Variants in CRACD observed in about 807,000 individuals in gnomAD.
CRACD encodes capping protein inhibiting regulator of actin dynamics.
Under a neutral mutation model 106.8 loss-of-function variants are expected in CRACD, and 56 were observed. That is an observed-to-expected ratio of 0.52 (90% CI 0.42 to 0.66). The LOEUF (loss-of-function observed/expected upper bound fraction) is 0.66, where lower values mean the gene tolerates loss of function less well. Among genes scored for constraint, CRACD ranks in the 30% least tolerant of loss-of-function variants. The pLI is 0.00. For synonymous variants in CRACD, 754 were observed against 670.8 expected (o/e 1.12, Z -1.92); for missense variants, 1,730 against 1,623.2 (o/e 1.07, Z -1.13).
chr4:56,097,049 G>T (rs1279598438), intron 1 of CRACD, among the ~76,000 whole-genome samples: 4 of 152,192 alleles, frequency 2.6e-5, no homozygotes, highest in African/African-American at 7.2e-5. Flanking sequence ...CCCTTGAATG[G>T]ATAATAATGG....
At chr4:56,250,879 T>G (rs1741013722) in intron 2 of CRACD, among the ~76,000 whole-genome samples, 2 of 152,216 alleles carry the variant, frequency 1.3e-5, no homozygotes, top group Non-Finnish European at 2.9e-5. Flanking sequence ...GCAACCAACT[T>G]CATTTAATTA....
chr4:56,281,804 GTTTGTCT>G (rs1397470046), intron 3 of CRACD, among the ~76,000 whole-genome samples: 1 of 152,132 alleles, frequency 6.6e-6, no homozygotes, highest in Non-Finnish European at 1.5e-5. Flanking sequence ...TTAGAAGATC[GTTTGTCT>G]TAGGTGGTGT....
intron 1 of CRACD, among the ~76,000 whole-genome samples, chr4:56,124,004 C>T (rs1253264349): frequency 6.6e-6 from 1 of 151,938 alleles, no homozygotes; most frequent in Non-Finnish European, 1.5e-5. Context: ...ATGGCGTGAT[C>T]TTGGCTCACT....
chr4:56,083,112 G>A (rs909414487), intron 1 of CRACD, among the ~76,000 whole-genome samples: 2 of 152,150 alleles, frequency 1.3e-5, no homozygotes, highest in Non-Finnish European at 2.9e-5. Context: ...GCAGTTGTGA[G>A]ATCAAAACTT....
intron 2 of CRACD, chr4:56,196,460 A>G (rs1367998968): frequency 6.5e-6 from 1 of 153,238 alleles, no homozygotes; most frequent in East Asian, 1.9e-4. Context: ...TGAGTTGCAA[A>G]TTAAAGAGAC....
At chr4:56,095,912 A>T (rs1438147644) in intron 1 of CRACD, among the ~76,000 whole-genome samples, 1 of 152,200 alleles carries the variant, frequency 6.6e-6, no homozygotes, top group Non-Finnish European at 1.5e-5. Context: ...TATATATTTC[A>T]TATTTTCAAA....
intron 1 of CRACD, among the ~76,000 whole-genome samples, chr4:56,129,671 C>T (rs189557441): frequency 1.3e-3 from 204 of 152,290 alleles, no homozygotes; most frequent in African/African-American, 4.9e-3. Flanking sequence ...ATGGAACTGA[C>T]CATGCGTCAG....
chr4:56,286,700 C>T (rs1350673701), intron 3 of CRACD, among the ~76,000 whole-genome samples: 1 of 151,962 alleles, frequency 6.6e-6, no homozygotes, highest in Non-Finnish European at 1.5e-5. Context: ...TCTCGGGGTT[C>T]CTGCATTTAT....
At chr4:56,081,113 C>T (rs1733006506) in intron 1 of CRACD, among the ~76,000 whole-genome samples, 1 of 152,196 alleles carries the variant, frequency 6.6e-6, no homozygotes, top group South Asian at 2.1e-4. Flanking sequence ...CTACCTTGGC[C>T]ACCCAAGGTG....
chr4:56,181,246 G>A (rs1017372503), intron 2 of CRACD, among the ~76,000 whole-genome samples: 3 of 152,214 alleles, frequency 2.0e-5, no homozygotes, highest in African/African-American at 7.2e-5. Context: ...TCGAGGAAAG[G>A]CAGGAAGTCA....
At chr4:56,280,982 C>T (rs1402212062) in intron 3 of CRACD, among the ~76,000 whole-genome samples, 1 of 152,074 alleles carries the variant, frequency 6.6e-6, no homozygotes, top group African/African-American at 2.4e-5. Flanking sequence ...TGAAGAGGTG[C>T]AAAACCCATT....
At chr4:56,076,230 G>C (rs1732832369) in intron 1 of CRACD, among the ~76,000 whole-genome samples, 1 of 152,146 alleles carries the variant, frequency 6.6e-6, no homozygotes, top group Non-Finnish European at 1.5e-5. Flanking sequence ...ATGCCTAGTA[G>C]AAAGGAACCC....
At chr4:56,094,287 T>C (rs1306901449) in intron 1 of CRACD, among the ~76,000 whole-genome samples, 7 of 152,214 alleles carry the variant, frequency 4.6e-5, no homozygotes. Context: ...AGTCATTATT[T>C]TAATGTTTAT....
chr4:56,282,860 C>T (rs11133434), intron 3 of CRACD, among the ~76,000 whole-genome samples: 108,489 of 152,162 alleles, frequency 0.71, 38,864 homozygotes, highest in East Asian at 0.77. Context: ...TTGTTCCTTT[C>T]GCATAGATGC....
At chr4:56,261,531 A>G (rs913072610) in intron 2 of CRACD, among the ~76,000 whole-genome samples, 1 of 151,702 alleles carries the variant, frequency 6.6e-6, no homozygotes, top group South Asian at 2.1e-4. Context: ...TTGTGTTTTT[A>G]TAGAAATGGG....
rs75282357 is a variant in CRACD at position 56,293,807 on chromosome 4, C to T, written c.-16-4407C>T. ...ATCCATCCCCATGATCCAGCCACCT[C>T]CCACCATTGGAGACTACAATTTGAC... On this transcript the variant is annotated intron_variant, in intron 3 of 10. Coordinates refer to ENST00000682029, the MANE Select transcript of CRACD (RefSeq NM_001393381.1). Among the ~76,000 whole-genome samples the T allele has an allele frequency of 1.4e-3, 210 of 152,348 alleles. 2 individuals carry two copies. The highest frequency in any genetic ancestry group is 4.8e-3 in the African/African-American group (200 of 41,580).
intron 2 of CRACD, among the ~76,000 whole-genome samples, chr4:56,269,700 G>A (rs184906606): frequency 2.0e-5 from 3 of 151,482 alleles, no homozygotes; most frequent in African/African-American, 7.3e-5. Context: ...TGAGTAGCTG[G>A]GACTACAGGC....
chr4:56,253,151 G>T (rs1443501368), intron 2 of CRACD, among the ~76,000 whole-genome samples: 1 of 152,086 alleles, frequency 6.6e-6, no homozygotes, highest in Non-Finnish European at 1.5e-5. Flanking sequence ...AAACGACTTG[G>T]CTCTCTTTTA....
At chr4:56,145,210 T>C (rs1457795040) in intron 1 of CRACD, among the ~76,000 whole-genome samples, 1 of 152,232 alleles carries the variant, frequency 6.6e-6, no homozygotes, top group Non-Finnish European at 1.5e-5. Context: ...TATTCATATT[T>C]TCTCATTGAT....
Sources: allele counts gnomAD v4.1 joint callset (sites outside exome capture counted in the v4.1 genomes callset), GRCh38; gene constraint gnomAD v4.1.1; transcripts MANE v1.5; gene names NCBI Gene and HGNC (gene_info 2026-07-23, HGNC 2026-07-21).